KIFC3: variants seen among roughly 807,000 people sequenced by gnomAD.
The protein encoded by KIFC3 is kinesin family member C3, also known as kinesin-like protein KIFC3.
Under a neutral mutation model 101.8 loss-of-function variants are expected in KIFC3, and 60 were observed. The observed-to-expected ratio is 0.59, with a 90% CI of 0.48 to 0.73. The LOEUF is 0.73. Among genes scored for constraint, KIFC3 ranks in the 30% least tolerant of loss-of-function variants. The pLI is 0.00. For synonymous variants in KIFC3, 476 were observed against 482.7 expected (o/e 0.99, Z 0.18); for missense variants, 966 against 1,137.1 (o/e 0.85, Z 2.16).
At chr16:57,790,861 A>T in intron 3 of KIFC3, 1 of 974,802 alleles carries the variant, frequency 1.0e-6, no homozygotes, top group Non-Finnish European at 1.2e-6. Context: ...CAGGCTCCTT[A>T]GCCCAAAATT....
rs781799058 is a variant in KIFC3, at chr16:57,761,435, T to A, written c.1850A>T (p.Gln617Leu). The A allele has an allele frequency of 8.7e-6, 14 of 1,614,068 alleles. No individual in the cohort carries two copies. Among genetic ancestry groups the A allele is most frequent in the Non-Finnish European group, 4.2e-6 (5 of 1,179,932 alleles). ...YVPGLTEFQVQSVDDINKVFE... is the reference protein window; with the variant it reads ...YVPGLTEFQVLSVDDINKVFE... Reference sequence around the variant, plus strand: ...CACCTTGTTGATGTCGTCCACGCTCTGCACTTGGAACTCAGTCAGCCCTGG... The same window carrying A: ...CACCTTGTTGATGTCGTCCACGCTCAGCACTTGGAACTCAGTCAGCCCTGG... Residue 617 changes from glutamine (Q) to leucine (L), a missense_variant, in exon 14 of 20, where the codon CAG becomes CTG. Coordinates refer to ENST00000445690, the MANE Select transcript of KIFC3 (RefSeq NM_001130100.2).
rs558438646 is a variant in KIFC3, at chr16:57,829,743, A to G, written c.109-31461T>C. Among the ~76,000 whole-genome samples the G allele has an allele frequency of 1.3e-4, 20 of 152,276 alleles. No individual in the cohort carries two copies. The East Asian group carries it at 3.9e-3, about 29-fold the overall frequency. On this transcript the variant is annotated intron_variant, in intron 1 of 2. Coordinates refer to the KIFC3 transcript ENST00000563028. Reference sequence around the variant, plus strand: ...TTCCCCAGTATCAAAGCAACCACTCAGGGTAATCTCACGGAGCTGCAGAGT... The same window carrying G: ...TTCCCCAGTATCAAAGCAACCACTCGGGGTAATCTCACGGAGCTGCAGAGT...
intron 1 of KIFC3, among the ~76,000 whole-genome samples, chr16:57,813,409 G>T (rs1282744850): frequency 6.6e-6 from 1 of 152,006 alleles, no homozygotes; most frequent in Non-Finnish European, 1.5e-5. Flanking sequence ...GATCTTGGAG[G>T]CACAGTGTCC....
At chr16:57,760,558 A>T in intron 16 of KIFC3, 142 bp from the exon 17 acceptor site, 1 of 1,163,242 alleles carries the variant, frequency 8.6e-7, no homozygotes, top group Middle Eastern at 2.0e-4. Flanking sequence ...AACATGGCAG[A>T]GGTGCTGTGG....
chr16:57,840,167 G>A lies in KIFC3; in HGVS notation c.108+22562C>T, dbSNP rs192229368. On this transcript the variant is annotated intron_variant, in intron 1 of 2. Transcript: ENST00000563028. ...AGCCTGGCCAACATAGCAAAACCTCGTCTCTACTAACAATACAAAAATTAA... is the reference window on the plus strand; with the variant it reads ...AGCCTGGCCAACATAGCAAAACCTCATCTCTACTAACAATACAAAAATTAA... Among the ~76,000 whole-genome samples the A allele has an allele frequency of 4.3e-3, 655 of 152,106 alleles. 2 individuals carry two copies. The highest frequency in any genetic ancestry group is 0.014 in the African/African-American group (599 of 41,492).
chr16:57,823,094 A>T lies in KIFC3; in HGVS notation c.109-24812T>A, dbSNP rs117714248. On this transcript the variant is annotated intron_variant, in intron 1 of 2. Coordinates refer to the KIFC3 transcript ENST00000563028. ...ACTTTCCTCCCTTTTGGAATTCAAA[A>T]GTCGACCAGCATTAACATCAACACA... Among the ~76,000 whole-genome samples the T allele has an allele frequency of 4.5e-3, 678 of 152,330 alleles. 5 individuals are homozygous for T. The highest frequency in any genetic ancestry group is 8.2e-3 in the Non-Finnish European group (561 of 68,036).
chr16:57,783,764 C>G (rs563054052), intron 3 of KIFC3, among the ~76,000 whole-genome samples: 4 of 152,252 alleles, frequency 2.6e-5, no homozygotes, highest in African/African-American at 9.6e-5. Flanking sequence ...TGAGCTACCA[C>G]GCCCAGCCCA....
At chr16:57,789,559 T>A (rs1162030244) in intron 3 of KIFC3, among the ~76,000 whole-genome samples, 5 of 152,174 alleles carry the variant, frequency 3.3e-5, no homozygotes, top group African/African-American at 1.2e-4. Flanking sequence ...GATGGTGTAG[T>A]GGCTGAGAGT....
intron 1 of KIFC3, among the ~76,000 whole-genome samples, chr16:57,862,458 A>G (rs1959354713): frequency 6.6e-6 from 1 of 152,192 alleles, no homozygotes; most frequent in South Asian, 2.1e-4. Context: ...AAAACTGTGG[A>G]TAAGGGAGGA....
In KIFC3 at chr16:57,762,265, G is replaced by A. The variant is rs782669895; in HGVS notation, c.1623C>T (p.Thr541=). The change falls in exon 13 of 20, where the codon ACC becomes ACT. Residue 541 remains threonine, a synonymous_variant. Coordinates refer to ENST00000445690, the MANE Select transcript of KIFC3 (RefSeq NM_001130100.2). ...GCTGGTTGATACCTGGGTTCTCAGCGGTCCCCTGGGGACAGAAGGAAAGGC... is the reference window on the plus strand; with the variant it reads ...GCTGGTTGATACCTGGGTTCTCAGCAGTCCCCTGGGGACAGAAGGAAAGGC... ...GAGKTYTMEG[T]AENPGINQRA... 22 of 1,560,512 alleles carry A rather than the reference G, an allele frequency of 1.4e-5. No individual in the cohort carries two copies. Among genetic ancestry groups the A allele is most frequent in the Middle Eastern group, 3.3e-4 (2 of 5,976 alleles).
At chr16:57,793,428 A>G (rs1413751971) in intron 3 of KIFC3, among the ~76,000 whole-genome samples, 1 of 151,186 alleles carries the variant, frequency 6.6e-6, no homozygotes, top group Non-Finnish European at 1.5e-5. Flanking sequence ...CCCTGTCTCT[A>G]CTAAAAATAC....
upstream of KIFC3, among the ~76,000 whole-genome samples, chr16:57,807,277 C>T (rs147272430): frequency 2.2e-3 from 329 of 152,096 alleles, 1 homozygote; most frequent in African/African-American, 7.0e-3. Context: ...TGGCACTGCA[C>T]CCAGCCCCAT....
chr16:57,840,455 G>A (rs1345211212), intron 1 of KIFC3, among the ~76,000 whole-genome samples: 1 of 151,708 alleles, frequency 6.6e-6, no homozygotes, highest in African/African-American at 2.4e-5. Context: ...GCAAGACCCT[G>A]TCTGTAAAAA....
intron 1 of KIFC3, among the ~76,000 whole-genome samples, chr16:57,862,312 C>A (rs1466904624): frequency 1.3e-5 from 2 of 151,744 alleles, no homozygotes; most frequent in East Asian, 3.9e-4. Flanking sequence ...GTGTGAGCCA[C>A]CTTGCCTGGC....
intron 10 of KIFC3, among the ~76,000 whole-genome samples, chr16:57,766,151 G>C (rs1555602773): frequency 6.6e-6 from 1 of 152,202 alleles, no homozygotes; most frequent in African/African-American, 2.4e-5. Flanking sequence ...GCATGAGCTG[G>C]TCATGCCGCC....
intron 3 of KIFC3, among the ~76,000 whole-genome samples, chr16:57,789,978 C>A (rs1386904147): frequency 6.6e-6 from 1 of 152,026 alleles, no homozygotes; most frequent in East Asian, 1.9e-4. Flanking sequence ...TTCAAGTGAT[C>A]CACCTGCCTC....
intron 1 of KIFC3, chr16:57,813,724 G>T (rs2055149191): frequency 1.1e-6 from 1 of 921,952 alleles, no homozygotes; most frequent in South Asian, 5.3e-5. Flanking sequence ...CACCACTCAT[G>T]CAGGTGGGCT....
chr16:57,782,212 A>T (rs1463764799), intron 3 of KIFC3: 1 of 884,782 alleles, frequency 1.1e-6, no homozygotes, highest in Admixed American at 6.2e-5. Context: ...CCACCCCCAA[A>T]CTGCAATGCG....
At chr16:57,816,666 C>T in intron 1 of KIFC3, 4 of 456,698 alleles carry the variant, frequency 8.8e-6, no homozygotes, top group South Asian at 3.1e-5. Context: ...GCAGCCTCCA[C>T]CCCTCCCCAC....
Sources: gnomAD v4.1 joint callset for allele counts (sites outside exome capture counted in the v4.1 genomes callset) on GRCh38, gnomAD v4.1.1 for gene constraint, MANE v1.5 for transcripts, NCBI Gene and HGNC (gene_info 2026-07-23, HGNC 2026-07-21) for gene names.